GLMN: variants seen among roughly 807,000 people sequenced by gnomAD.
GLMN encodes the protein glomulin, FKBP associated protein, also known as glomulin.
GLMN carries 75 observed loss-of-function variants against 87.8 expected under a neutral mutation model. The ratio of observed to expected loss-of-function variants is 0.85; its 90% CI spans 0.71 to 1.04. The LOEUF (loss-of-function observed/expected upper bound fraction) is 1.04, where lower values mean the gene tolerates loss of function less well. Ranked by LOEUF, GLMN falls within the 50% of genes least tolerant of loss-of-function variation. The probability of loss-of-function intolerance (pLI) is 0.00; values close to 1 mark genes in which losing one functional copy is unlikely to be tolerated. For synonymous variants in GLMN, 206 were observed against 221.6 expected (o/e 0.93, Z 0.63); for missense variants, 588 against 658.8 (o/e 0.89, Z 1.18).
the GLMN span, among the ~76,000 whole-genome samples, chr1:92,355,064 AATTATT>A: frequency 6.6e-6 from 1 of 151,734 alleles, no homozygotes; most frequent in Non-Finnish European, 1.5e-5. Flanking sequence ...ATACCCAGCT[AATTATT>A]ATTATTATTT....
the GLMN span, among the ~76,000 whole-genome samples, chr1:92,332,730 G>A: frequency 6.6e-6 from 1 of 152,214 alleles, no homozygotes; most frequent in Admixed American, 6.5e-5. Flanking sequence ...CATACTTGGG[G>A]AAGGTTGCCC....
intron 4 of GLMN, among the ~76,000 whole-genome samples, chr1:92,291,189 C>T (rs780376828): frequency 1.3e-5 from 2 of 152,012 alleles, no homozygotes; most frequent in African/African-American, 2.4e-5. Flanking sequence ...TCAATGGGTC[C>T]GATATGAGGT....
the GLMN span, among the ~76,000 whole-genome samples, chr1:92,308,400 C>T: frequency 6.6e-6 from 1 of 152,166 alleles, no homozygotes; most frequent in Admixed American, 6.5e-5. Flanking sequence ...TCCTTTTTCT[C>T]CTTTCTTAAT....
In GLMN at chr1:92,269,711, A is replaced by C. The variant is rs1365105375; in HGVS notation, c.977+12T>G. On this transcript the variant is annotated intron_variant, in intron 9 of 18. Transcript: ENST00000370360. ...ACTATTTCATTTTGAGATACCATCT[A>C]AACGATCTTACCTTTGCAAAAAGAC... The C allele has an allele frequency of 2.5e-6, 4 of 1,583,358 alleles. No individual in the cohort carries two copies. Among genetic ancestry groups the C allele is most frequent in the Non-Finnish European group, 3.5e-6 (4 of 1,152,252 alleles).
the GLMN span, among the ~76,000 whole-genome samples, chr1:92,310,327 G>T: frequency 1.3e-5 from 2 of 152,124 alleles, no homozygotes; most frequent in African/African-American, 4.8e-5. Flanking sequence ...CTGTGCCAAG[G>T]ATCAGAATTC....
the GLMN span, among the ~76,000 whole-genome samples, chr1:92,364,572 A>C: frequency 6.6e-6 from 1 of 152,120 alleles, no homozygotes; most frequent in Non-Finnish European, 1.5e-5. Flanking sequence ...TTTGAGATTA[A>C]GTCATTTTGC....
chr1:92,246,480 A>C lies in GLMN; in HGVS notation c.*50T>G, dbSNP rs777583562. On this transcript the variant is annotated 3_prime_UTR_variant, in exon 19 of 19. Transcript: ENST00000370360. ...TTTTTATAAAGGTATTAAATGAATC[A>C]TAATGGAAAGTACTATATTTTATTA... is the stretch of plus-strand genomic sequence containing the variant. The C allele has an allele frequency of 3.6e-6, 3 of 832,530 alleles. No individual in the cohort carries two copies. In the East Asian group the frequency reaches 7.5e-5, roughly 21 times the overall value. 51.6% of individuals were successfully genotyped at this position (832,530 alleles called of 1,614,324 possible).
intron 16 of GLMN, among the ~76,000 whole-genome samples, chr1:92,251,514 T>G (rs2100790777): frequency 6.6e-6 from 1 of 152,284 alleles, no homozygotes; most frequent in East Asian, 1.9e-4. Flanking sequence ...AGAAATTACC[T>G]TTGTGATCTG....
the GLMN span, among the ~76,000 whole-genome samples, chr1:92,309,468 CTA>C: frequency 2.0e-5 from 3 of 151,662 alleles, no homozygotes; most frequent in Non-Finnish European, 4.4e-5. Context: ...CTTTGTTTCT[CTA>C]ATCTAAATGA....
At chr1:92,299,648 G>A (rs1336175119), upstream of GLMN, among the ~76,000 whole-genome samples, 1 of 152,138 alleles carries the variant, frequency 6.6e-6, no homozygotes, top group Non-Finnish European at 1.5e-5. Flanking sequence ...CTATGATACA[G>A]AAGAAAATTC....
At chr1:92,334,722 C>T in the GLMN span, among the ~76,000 whole-genome samples, 1 of 152,042 alleles carries the variant, frequency 6.6e-6, no homozygotes, top group Non-Finnish European at 1.5e-5. Flanking sequence ...TGCAGTGGCT[C>T]ACACCTGTAA....
chr1:92,317,660 C>T, the GLMN span, among the ~76,000 whole-genome samples: 1 of 152,156 alleles, frequency 6.6e-6, no homozygotes, highest in East Asian at 1.9e-4. Context: ...CTTCATGCTA[C>T]TGAACTATAT....
chr1:92,297,427 T>A lies in GLMN; in HGVS notation c.142A>T (p.Ile48Phe), dbSNP rs1279250486. Residue 48 changes from isoleucine to phenylalanine, a missense_variant, in exon 3 of 19, where the codon ATT (isoleucine) becomes TTT (phenylalanine). By Grantham distance (21) the Ile-to-Phe change is conservative (BLOSUM62 0). Transcript: ENST00000370360. Reference protein sequence around the residue: ...EEGHTDQLLEIIQNEKNKVII... With the variant: ...EEGHTDQLLEFIQNEKNKVII... ...ACCTTATTCTTTTCATTTTGAATAA[T>A]TTCTAATAGCTGGTCTGTGTGCCCT... 1 of 1,611,636 alleles carries A rather than the reference T, an allele frequency of 6.2e-7. No homozygotes were observed. The highest frequency in any genetic ancestry group is 8.5e-7 in the Non-Finnish European group (1 of 1,178,296).
At chr1:92,338,963 T>C in the GLMN span, among the ~76,000 whole-genome samples, 10 of 152,140 alleles carry the variant, frequency 6.6e-5, no homozygotes, top group Admixed American at 3.3e-4. Flanking sequence ...ACAACACTTA[T>C]TTAATCACCA....
chr1:92,343,562 T>G, the GLMN span, among the ~76,000 whole-genome samples: 1 of 152,180 alleles, frequency 6.6e-6, no homozygotes, highest in Non-Finnish European at 1.5e-5. Flanking sequence ...AATTAATAGA[T>G]TTTAATATTT....
chr1:92,311,837 A>G, the GLMN span, among the ~76,000 whole-genome samples: 1 of 152,188 alleles, frequency 6.6e-6, no homozygotes, highest in Non-Finnish European at 1.5e-5. Flanking sequence ...AAAATAATGT[A>G]CATACCTTAA....
chr1:92,249,746 G>A (rs948956290), intron 16 of GLMN, among the ~76,000 whole-genome samples: 4 of 151,698 alleles, frequency 2.6e-5, no homozygotes, highest in African/African-American at 9.7e-5. Flanking sequence ...AACTCTTTTT[G>A]TACCCATTCA....
intron 15 of GLMN, 136 bp downstream of exon 15, chr1:92,263,487 C>T: frequency 1.5e-6 from 1 of 689,654 alleles, no homozygotes; most frequent in East Asian, 2.6e-5. Context: ...TATGAAAAAT[C>T]TTTATGTAAC....
chr1:92,256,490 A>G (rs1440048774), intron 16 of GLMN, among the ~76,000 whole-genome samples: 2 of 152,262 alleles, frequency 1.3e-5, no homozygotes, highest in African/African-American at 4.8e-5. Context: ...ATGAACATCA[A>G]TGCAAAAATC....
Sources: gnomAD v4.1 joint callset for allele counts (sites outside exome capture counted in the v4.1 genomes callset) on GRCh38, gnomAD v4.1.1 for gene constraint, MANE v1.5 for transcripts, NCBI Gene and HGNC (gene_info 2026-07-23, HGNC 2026-07-21) for gene names.